Variants in GAS7 observed in about 807,000 individuals in gnomAD.
The protein encoded by GAS7 is growth arrest specific 7.
Under a neutral mutation model 71.1 loss-of-function variants are expected in GAS7, and 28 were observed. That is an observed-to-expected ratio of 0.39 (90% CI 0.29 to 0.54). The LOEUF is 0.54. Among genes scored for constraint, GAS7 ranks in the 20% least tolerant of loss-of-function variants. GAS7 has a pLI of 0.62. For missense variants in GAS7, 436 were observed against 627.8 expected (o/e 0.69, Z 3.27); for synonymous variants, 258 against 245.8 (o/e 1.05, Z -0.46).
At chr17:10,177,393 C>T (rs959525594) in intron 1 of GAS7, among the ~76,000 whole-genome samples, 1 of 151,916 alleles carries the variant, frequency 6.6e-6, no homozygotes, top group Non-Finnish European at 1.5e-5. Flanking sequence ...TGTGCAAGGT[C>T]CAGATGAGGA....
At chr17:10,091,915 G>A (rs575441429) in intron 1 of GAS7, among the ~76,000 whole-genome samples, 38 of 151,488 alleles carry the variant, frequency 2.5e-4, no homozygotes, top group Non-Finnish European at 4.9e-4. Flanking sequence ...AAACTCCTGG[G>A]ATCCATCCAG....
At chr17:10,045,558 G>A (rs7222447) in intron 1 of GAS7, among the ~76,000 whole-genome samples, 17,294 of 152,184 alleles carry the variant, frequency 0.11, 1,161 homozygotes, top group Middle Eastern at 0.17. Context: ...TTAGCTGAGT[G>A]TGGTGGTGGT....
chr17:10,117,503 G>GA (rs2142072993), intron 1 of GAS7, among the ~76,000 whole-genome samples: 1 of 152,300 alleles, frequency 6.6e-6, no homozygotes, highest in South Asian at 2.1e-4. Flanking sequence ...AACATTTAAA[G>GA]AAACACCACG....
At chr17:10,137,803 A>G (rs573273685) in intron 1 of GAS7, among the ~76,000 whole-genome samples, 296 of 152,174 alleles carry the variant, frequency 1.9e-3, no homozygotes, top group Non-Finnish European at 3.6e-3. Context: ...GGCCTCCCAA[A>G]GTGCTGGGAT....
Position 9,940,559 on chromosome 17 carries a change from C to T in GAS7, c.732-359G>A, listed in dbSNP as rs79680090. ...AAGGAAGAAATGAACGTTTGCAACTCGTGATGGACTACCAGCAATCCCCAG... is the reference window on the plus strand; with the variant it reads ...AAGGAAGAAATGAACGTTTGCAACTTGTGATGGACTACCAGCAATCCCCAG... On this transcript the variant is annotated intron_variant, in intron 7 of 13. Transcript: ENST00000432992. Among the ~76,000 whole-genome samples the T allele has an allele frequency of 4.3e-3, 656 of 152,272 alleles. 3 individuals are homozygous for T. Among genetic ancestry groups the T allele is most frequent in the African/African-American group, 0.015 (623 of 41,538 alleles).
chr17:10,004,478 G>A (rs1019741713), intron 2 of GAS7, among the ~76,000 whole-genome samples: 12 of 152,168 alleles, frequency 7.9e-5, no homozygotes, highest in African/African-American at 2.9e-4. Flanking sequence ...CCGCACCACA[G>A]GTTCCCATTC....
intron 3 of GAS7, among the ~76,000 whole-genome samples, chr17:9,979,222 T>TTGTA: frequency 6.6e-6 from 1 of 152,288 alleles, no homozygotes; most frequent in East Asian, 1.9e-4. Flanking sequence ...TTCATCCTCC[T>TTGTA]TCATGGAGCA....
intron 2 of GAS7, among the ~76,000 whole-genome samples, chr17:9,993,209 A>G (rs1249033298): frequency 1.3e-5 from 2 of 151,516 alleles, no homozygotes; most frequent in Admixed American, 1.3e-4. Context: ...GAACTAGTTT[A>G]CAGTCCCACC....
intron 1 of GAS7, among the ~76,000 whole-genome samples, chr17:10,167,044 C>CTGTTTTTTTTT (rs2074299463): frequency 1.7e-5 from 1 of 58,806 alleles, no homozygotes; most frequent in Non-Finnish European, 2.9e-5. Context: ...TTCCATTTGT[C>CTGTTTTTTTTT]TTTTTTTTTT....
At position 9,926,499 on chromosome 17, in the gene GAS7, G is replaced by A. The variant is rs114073736; in HGVS notation, c.1014+142C>T. 536 of 864,552 alleles carry A rather than the reference G, an allele frequency of 6.2e-4. 1 individual carries two copies. The African/African-American group carries it at 8.2e-3, about 13-fold the overall frequency. 53.6% of individuals were successfully genotyped at this position (864,552 alleles called of 1,614,324 possible). A position where few individuals can be genotyped will look rare whatever the true frequency, so the allele number is the denominator to read the frequency against. On this transcript the variant is annotated intron_variant, in intron 10 of 13. Coordinates refer to ENST00000432992, the MANE Select transcript of GAS7 (RefSeq NM_201433.2). The surrounding 1 kb of genome is among the most constrained non-coding windows in gnomAD (Gnocchi z 5.0). ...GGGTGGGGTGCTCTGGCGTAGGCAC[G>A]AGGCTTGGACATCCCCCTATTCCCC...
chr17:10,170,849 T>C (rs2074330783), intron 1 of GAS7, among the ~76,000 whole-genome samples: 2 of 152,350 alleles, frequency 1.3e-5, no homozygotes, highest in South Asian at 4.1e-4. Flanking sequence ...CCAGCAGCTC[T>C]GTCACCTCGG....
intron 1 of GAS7, among the ~76,000 whole-genome samples, chr17:10,141,443 CA>C (rs879309652): frequency 1.2e-3 from 162 of 140,560 alleles, no homozygotes; most frequent in Admixed American, 1.5e-3. Context: ...AAGACTGTGC[CA>C]AAAAAAAAAA....
chr17:10,102,792 C>T (rs1161908900), intron 1 of GAS7, among the ~76,000 whole-genome samples: 2 of 151,754 alleles, frequency 1.3e-5, no homozygotes, highest in Non-Finnish European at 2.9e-5. Flanking sequence ...TTATGTTCCC[C>T]AGATAATTCC....
At chr17:9,943,289 A>G in intron 6 of GAS7, 53 bp from the exon 7 acceptor site, 1 of 1,058,668 alleles carries the variant, frequency 9.4e-7, no homozygotes, top group Non-Finnish European at 1.5e-6. Flanking sequence ...GTCTGGAGCC[A>G]GGGAGAATGG....
At chr17:10,137,848 A>G (rs2074050771) in intron 1 of GAS7, among the ~76,000 whole-genome samples, 1 of 150,446 alleles carries the variant, frequency 6.6e-6, no homozygotes, top group Non-Finnish European at 1.5e-5. Flanking sequence ...ACCACATTGA[A>G]GTTTCTTAAT....
intron 1 of GAS7, among the ~76,000 whole-genome samples, chr17:10,037,583 G>A (rs180724013): frequency 8.9e-4 from 135 of 152,218 alleles, no homozygotes; most frequent in African/African-American, 2.5e-3. Flanking sequence ...AAGTACAATC[G>A]TCTAAGGATG....
chr17:10,006,522 G>A (rs2071538954), intron 2 of GAS7, among the ~76,000 whole-genome samples: 1 of 151,438 alleles, frequency 6.6e-6, no homozygotes, highest in Non-Finnish European at 1.5e-5. Context: ...GTAGAGATGG[G>A]GTTTCACCAT....
intron 1 of GAS7, among the ~76,000 whole-genome samples, chr17:10,125,687 G>C (rs1191293318): frequency 6.6e-6 from 1 of 152,000 alleles, no homozygotes; most frequent in Non-Finnish European, 1.5e-5. Context: ...TGTAGAGAAT[G>C]AGGCCCGGGT....
At chr17:10,016,221 T>TA (rs2071990745) in intron 2 of GAS7, among the ~76,000 whole-genome samples, 1 of 151,328 alleles carries the variant, frequency 6.6e-6, no homozygotes, top group Admixed American at 6.6e-5. Context: ...CCATCTCTAC[T>TA]AAAAATACAA....
Sources: allele counts gnomAD v4.1 joint callset (sites outside exome capture counted in the v4.1 genomes callset), GRCh38; gene constraint gnomAD v4.1.1; non-coding constraint Gnocchi (gnomAD v3.1); transcripts MANE v1.5; gene names NCBI Gene and HGNC (gene_info 2026-07-23, HGNC 2026-07-21).